The following LMBRD2 variants were observed in gnomAD, a reference collection of about 807,000 sequenced individuals.
The protein encoded by LMBRD2 is G protein-coupled receptor-associated protein LMBRD2.
A neutral mutation model predicts 94.4 loss-of-function variants in LMBRD2; 55 were observed. The ratio of observed to expected loss-of-function variants is 0.58; its 90% CI spans 0.47 to 0.73. The LOEUF is 0.73. LMBRD2 is among the 30% of genes least tolerant of loss of function. The pLI is 0.00. For missense variants in LMBRD2, 640 were observed against 831.9 expected (o/e 0.77, Z 2.84); for synonymous variants, 246 against 272.4 (o/e 0.90, Z 0.95).
chr5:36,129,173 AT>A (rs2111886186), intron 6 of LMBRD2, among the ~76,000 whole-genome samples: 1 of 152,336 alleles, frequency 6.6e-6, no homozygotes, highest in Admixed American at 6.5e-5. Context: ...AGAGTGAGAG[AT>A]AAGGGTAGAA....
intron 6 of LMBRD2, among the ~76,000 whole-genome samples, chr5:36,127,967 C>T (rs1744044675): frequency 6.6e-6 from 1 of 152,216 alleles, no homozygotes; most frequent in Non-Finnish European, 1.5e-5. Context: ...GCCATGATAA[C>T]TTCAGGTCTA....
rs1412351057 is a variant in LMBRD2 at position 36,102,941 on chromosome 5, T to G, written c.*1105A>C. The G allele has an allele frequency of 6.6e-6, 1 of 151,874 alleles. No homozygotes were observed. The highest frequency in any genetic ancestry group is 2.4e-5 in the African/African-American group (1 of 41,438). 9.4% of individuals were successfully genotyped at this position (151,874 alleles called of 1,614,324 possible). The stretch of plus-strand genomic sequence containing the variant: ...ATGCTGCAATCAAACATGTTCACTT[T>G]TCAATAAAACACTAGTGCTTTAAAA... On this transcript the variant is annotated 3_prime_UTR_variant, in exon 18 of 18. Coordinates refer to ENST00000296603, the MANE Select transcript of LMBRD2 (RefSeq NM_001007527.2).
chr5:36,120,411 C>A (rs191286068), intron 9 of LMBRD2, among the ~76,000 whole-genome samples: 1 of 152,160 alleles, frequency 6.6e-6, no homozygotes, highest in African/African-American at 2.4e-5. Context: ...CAGGCACGCA[C>A]CACCACGCCC....
rs1315713293 is a variant in LMBRD2 at position 36,104,344 on chromosome 5, A to G, written c.2028-238T>C. Among the ~76,000 whole-genome samples the G allele has an allele frequency of 2.6e-5, 4 of 152,004 alleles. No individual in the cohort carries two copies. The East Asian group carries it at 7.7e-4, about 29-fold the overall frequency. On this transcript the variant is annotated intron_variant, in intron 17 of 17. Transcript: ENST00000296603. ...TGCATGACAGAGTGAGAGATGTAAAAAGAAGGGGGCAGGGGATGTAAGACA... is the reference window on the plus strand; with the variant it reads ...TGCATGACAGAGTGAGAGATGTAAAGAGAAGGGGGCAGGGGATGTAAGACA...
rs1743380616 is a variant in LMBRD2, at chr5:36,103,126, T to C, written c.*920A>G. The C allele has an allele frequency of 6.6e-6, 1 of 152,250 alleles. No individual in the cohort carries two copies. Among genetic ancestry groups the C allele is most frequent in the South Asian group, 2.1e-4 (1 of 4,836 alleles). The allele number at this position is 152,250 out of a possible 1,614,324, so 9.4% of individuals were successfully genotyped here. On this transcript the variant is annotated 3_prime_UTR_variant, in exon 18 of 18. Transcript: ENST00000296603. Reference sequence around the variant, plus strand: ...AATAACAGTAAATGGATTCACTTTTTACCTTTGAATAACCAGTTTTTTTCT... The same window carrying C: ...AATAACAGTAAATGGATTCACTTTTCACCTTTGAATAACCAGTTTTTTTCT...
Position 36,101,370 on chromosome 5 carries a change from T to C in LMBRD2, c.*2676A>G, listed in dbSNP as rs1743343034. The C allele has an allele frequency of 1.3e-5, 2 of 152,060 alleles. No individual in the cohort carries two copies. The highest frequency in any genetic ancestry group is 3.9e-4 in the East Asian group (2 of 5,182). The allele number at this position is 152,060 out of a possible 1,614,324, so 9.4% of individuals were successfully genotyped here. A position where few individuals can be genotyped will look rare whatever the true frequency, so the allele number is the denominator to read the frequency against. Reference sequence around the variant, plus strand: ...CTGAATATTCTTACCTAACAACTATTTAAAGAATAATTTGGAAAATTTTAA... The same window carrying C: ...CTGAATATTCTTACCTAACAACTATCTAAAGAATAATTTGGAAAATTTTAA... On this transcript the variant is annotated 3_prime_UTR_variant, in exon 18 of 18. Transcript: ENST00000296603.
intron 16 of LMBRD2, among the ~76,000 whole-genome samples, chr5:36,107,286 A>G (rs1003490455): frequency 2.0e-5 from 3 of 152,186 alleles, no homozygotes; most frequent in Non-Finnish European, 2.9e-5. Flanking sequence ...TAACATATCA[A>G]TTGGTTATTT....
chr5:36,143,059 T>C (rs1170900295), intron 2 of LMBRD2, 117 bp downstream of exon 2: 2 of 769,336 alleles, frequency 2.6e-6, no homozygotes, highest in Middle Eastern at 2.5e-4. Flanking sequence ...AATGGCCATA[T>C]AATCTTTTAA....
At position 36,100,695 on chromosome 5, in the gene LMBRD2, T is replaced by C. The variant is rs1455726241; in HGVS notation, c.*3351A>G. ...CATATTTTGTCGCTTAGTGCAAATA[T>C]ACTTGTAATTTTTAGGCATAATCCA... On this transcript the variant is annotated 3_prime_UTR_variant, in exon 18 of 18. Transcript: ENST00000296603. 1 of 152,116 alleles carries C rather than the reference T, an allele frequency of 6.6e-6. No individual in the cohort carries two copies. The highest frequency in any genetic ancestry group is 1.9e-4 in the East Asian group (1 of 5,186). 9.4% of individuals were successfully genotyped at this position (152,116 alleles called of 1,614,324 possible). A position where few individuals can be genotyped will look rare whatever the true frequency, so the allele number is the denominator to read the frequency against.
At position 36,143,322 on chromosome 5, in the gene LMBRD2, T is replaced by C. The variant is rs560557664; in HGVS notation, c.28A>G (p.Ile10Val). Residue 10 changes from isoleucine (I) to valine (V), a missense_variant, in exon 2 of 18, where the codon ATT (isoleucine) becomes GTT (valine). This residue lies in a region of LMBRD2 where 457 missense variants were observed against 642.8 expected (regional missense o/e 0.71). Coordinates refer to ENST00000296603, the MANE Select transcript of LMBRD2 (RefSeq NM_001007527.2). Reference protein sequence around the residue: MSGAALGLEIVFVFFLALFL... With the variant: MSGAALGLEVVFVFFLALFL... ...AATGCCAGAAAAAAGACAAAAACAATCTCAAGTCCCAAAGCTGCACCACTC... is the reference window on the plus strand; with the variant it reads ...AATGCCAGAAAAAAGACAAAAACAACCTCAAGTCCCAAAGCTGCACCACTC... 1.6e-5 allele frequency: 26 copies of C among 1,613,334 alleles called. No homozygotes were observed. The East Asian group carries it at 4.9e-4, about 30-fold the overall frequency.
intron 12 of LMBRD2, 108 bp from the exon 13 acceptor site, chr5:36,114,629 T>C: frequency 1.6e-6 from 2 of 1,279,978 alleles, no homozygotes. Flanking sequence ...CCATTTGAAC[T>C]TTTTAAAAAG....
chr5:36,123,611 G>A (rs1743937773), intron 7 of LMBRD2, among the ~76,000 whole-genome samples: 1 of 151,620 alleles, frequency 6.6e-6, no homozygotes, highest in African/African-American at 2.4e-5. Context: ...TTGGGGAACT[G>A]CAAATAACCA....
intron 1 of LMBRD2, among the ~76,000 whole-genome samples, chr5:36,148,355 T>C (rs2111920904): frequency 6.6e-6 from 1 of 152,136 alleles, no homozygotes. Flanking sequence ...CTGAGGACAG[T>C]GGCATACTGT....
At position 36,103,788 on chromosome 5, in the gene LMBRD2, T is replaced by A; in HGVS notation, c.*258A>T. On this transcript the variant is annotated 3_prime_UTR_variant, in exon 18 of 18. Transcript: ENST00000296603. ...GTTCTTAACATATGTTGATCTTTCT[T>A]AAAGTCCTTCCACTGTAACTGTATT... 3.8e-6 allele frequency: 1 copy of A among 264,476 alleles called. No homozygotes were observed. The highest frequency in any genetic ancestry group is 7.3e-6 in the Non-Finnish European group (1 of 137,400). 16.4% of individuals were successfully genotyped at this position (264,476 alleles called of 1,614,324 possible).
intron 6 of LMBRD2, among the ~76,000 whole-genome samples, chr5:36,135,703 A>C (rs1744255348): frequency 6.6e-6 from 1 of 152,196 alleles, no homozygotes; most frequent in African/African-American, 2.4e-5. Context: ...TAAATCCATA[A>C]CAAAATTTTT....
chr5:36,148,250 A>C (rs1185454245), intron 1 of LMBRD2, among the ~76,000 whole-genome samples: 1 of 151,948 alleles, frequency 6.6e-6, no homozygotes, highest in East Asian at 1.9e-4. Context: ...AAAAATGAAA[A>C]AAAAAAAAAA....
chr5:36,104,133 C>T (rs1310968747), intron 17 of LMBRD2, 27 bp from the exon 18 acceptor site: 1 of 1,562,506 alleles, frequency 6.4e-7, no homozygotes, highest in Non-Finnish European at 8.8e-7. Flanking sequence ...AAGAAATGAT[C>T]TGAGGCATCA....
chr5:36,137,528 A>C, intron 4 of LMBRD2, 87 bp from the exon 5 acceptor site: 1 of 739,548 alleles, frequency 1.4e-6, no homozygotes, highest in Non-Finnish European at 2.1e-6. Flanking sequence ...ATGAATCTCA[A>C]TTTTAATGAA....
chr5:36,151,759 C>T lies in LMBRD2; in HGVS notation c.-261G>A. On this transcript the variant is annotated 5_prime_UTR_variant, in exon 1 of 18. Transcript: ENST00000296603. This position sits in a 1 kb window ranked among gnomAD's most constrained non-coding sequence, Gnocchi z 4.7. ...GCGTCTGGACGGGACCGGGAAACGG[C>T]GGCCGCCACAGCTGTCCAGGTTCTG... 1 of 172,578 alleles carries T rather than the reference C, an allele frequency of 5.8e-6. No homozygotes were observed. Among genetic ancestry groups the T allele is most frequent in the Non-Finnish European group, 1.3e-5 (1 of 78,726 alleles). 10.7% of individuals were successfully genotyped at this position (172,578 alleles called of 1,614,324 possible). A position where few individuals can be genotyped will look rare whatever the true frequency, so the allele number is the denominator to read the frequency against.
Sources: allele counts gnomAD v4.1 joint callset (sites outside exome capture counted in the v4.1 genomes callset), GRCh38; gene constraint gnomAD v4.1.1; regional missense constraint gnomAD v4.1.1; non-coding constraint Gnocchi (gnomAD v3.1); transcripts MANE v1.5; gene names NCBI Gene and HGNC (gene_info 2026-07-23, HGNC 2026-07-21).